The following ERGIC1 variants were observed in gnomAD, a reference collection of about 807,000 sequenced individuals.
ERGIC1 encodes the protein endoplasmic reticulum-Golgi intermediate compartment protein 1.
A neutral mutation model predicts 38.3 loss-of-function variants in ERGIC1; 19 were observed. That is an observed-to-expected ratio of 0.50 (90% CI 0.35 to 0.73). The LOEUF (loss-of-function observed/expected upper bound fraction) is 0.73. Among genes scored for constraint, ERGIC1 ranks in the 30% least tolerant of loss-of-function variants. ERGIC1 has a pLI of 0.01. For missense variants in ERGIC1, 294 were observed against 389.2 expected, an observed-to-expected ratio of 0.76 and a Z score of 2.06; for synonymous variants, 124 against 157.6, an observed-to-expected ratio of 0.79 and a Z score of 1.60.
intron 2 of ERGIC1, among the ~76,000 whole-genome samples, chr5:172,893,333 A>G (rs1028455816): frequency 1.3e-5 from 2 of 152,014 alleles, no homozygotes; most frequent in Non-Finnish European, 2.9e-5. Flanking sequence ...TTTTTAGTAG[A>G]GATGGGTTTT....
intron 1 of ERGIC1, among the ~76,000 whole-genome samples, chr5:172,877,440 G>A (rs13184737): frequency 0.21 from 14,195 of 66,724 alleles, 972 homozygotes; most frequent in East Asian, 0.4. Context: ...GTGTGTGTGT[G>A]TATATATATA....
intron 1 of ERGIC1, among the ~76,000 whole-genome samples, chr5:172,881,606 C>T (rs939503293): frequency 6.6e-6 from 1 of 152,242 alleles, no homozygotes; most frequent in African/African-American, 2.4e-5. Context: ...AAATCTTTAA[C>T]TTTTCTTCCA....
At chr5:172,845,599 T>A (rs1761267237) in intron 1 of ERGIC1, among the ~76,000 whole-genome samples, 1 of 152,254 alleles carries the variant, frequency 6.6e-6, no homozygotes, top group African/African-American at 2.4e-5. Context: ...CTGCAACTCA[T>A]GATTTAAAAT....
intron 9 of ERGIC1, among the ~76,000 whole-genome samples, chr5:172,947,876 TTGTGTGTGTG>T (rs10566172): frequency 2.2e-4 from 32 of 145,728 alleles, no homozygotes; most frequent in East Asian, 6.1e-4. Context: ...CAGATGTGTT[TTGTGTGTGTG>T]TGTGTGTGTG....
At chr5:172,870,792 C>T (rs547667879) in intron 1 of ERGIC1, among the ~76,000 whole-genome samples, 1 of 152,210 alleles carries the variant, frequency 6.6e-6, no homozygotes, top group African/African-American at 2.4e-5. Flanking sequence ...ATCTCCTCTG[C>T]AAAGCCTCAT....
At chr5:172,886,944 G>A (rs1180133596) in intron 1 of ERGIC1, among the ~76,000 whole-genome samples, 1 of 152,036 alleles carries the variant, frequency 6.6e-6, no homozygotes. Context: ...CCAACCTCCC[G>A]ACCACACCCC....
intron 3 of ERGIC1, chr5:172,905,986 G>A (rs1027952472): frequency 1.3e-5 from 6 of 449,824 alleles, no homozygotes; most frequent in African/African-American, 4.0e-5. Flanking sequence ...TGTGAGCTGA[G>A]TTAGAAGCCC....
At chr5:172,925,587 G>C (rs550294) in intron 6 of ERGIC1, among the ~76,000 whole-genome samples, 88,437 of 151,982 alleles carry the variant, frequency 0.58, 26,410 homozygotes, top group African/African-American at 0.65. Flanking sequence ...ATGTCCCCAC[G>C]TACCTCTCCG....
chr5:172,905,255 C>G, intron 3 of ERGIC1: 1 of 285,018 alleles, frequency 3.5e-6, no homozygotes, highest in South Asian at 3.0e-5. Context: ...CCAGGCTCTC[C>G]TTAGTTGACT....
chr5:172,909,501 G>A (rs1203069289), intron 3 of ERGIC1, among the ~76,000 whole-genome samples, 166 bp from the exon 4 acceptor site: 2 of 152,068 alleles, frequency 1.3e-5, no homozygotes, highest in Admixed American at 6.5e-5. Context: ...CTTGAAGAGT[G>A]CAGCCTAGAC....
intron 1 of ERGIC1, among the ~76,000 whole-genome samples, chr5:172,874,226 A>G (rs1427688169): frequency 2.0e-5 from 3 of 151,980 alleles, no homozygotes; most frequent in African/African-American, 7.3e-5. Context: ...TTACAGGCAC[A>G]CGCCACCACG....
rs148148507 is a variant in ERGIC1 at position 172,939,181 on chromosome 5, G to A, written c.765+3871G>A. Among the ~76,000 whole-genome samples the A allele has an allele frequency of 7.9e-4, 120 of 152,354 alleles. 1 individual carries two copies. The highest frequency in any genetic ancestry group is 7.1e-3 in the Admixed American group (108 of 15,308). ...TCCGGCCCCCGTAGCAGGCACCAGG[G>A]TCAGCTGAATCATACGCAGTCCCTG... On this transcript the variant is annotated intron_variant, in intron 9 of 9. Transcript: ENST00000393784.
chr5:172,906,229 T>G (rs1227826183), intron 3 of ERGIC1: 1 of 453,746 alleles, frequency 2.2e-6, no homozygotes, highest in South Asian at 1.6e-5. Flanking sequence ...ACCAGGGCCC[T>G]CCTTCATTTT....
chr5:172,890,842 T>A (rs1482697164), intron 2 of ERGIC1, among the ~76,000 whole-genome samples: 1 of 84,654 alleles, frequency 1.2e-5, no homozygotes, highest in African/African-American at 6.4e-5. Context: ...TGGAGTCCAC[T>A]TCTCCCAGGT....
intron 1 of ERGIC1, among the ~76,000 whole-genome samples, chr5:172,838,258 G>A (rs2113504280): frequency 6.6e-6 from 1 of 152,344 alleles, no homozygotes; most frequent in East Asian, 1.9e-4. Flanking sequence ...GGGGCCCAGT[G>A]CAAAATGAAA....
At chr5:172,920,495 T>TG in intron 5 of ERGIC1, 1 of 716,494 alleles carries the variant, frequency 1.4e-6, no homozygotes, top group East Asian at 2.7e-5. Flanking sequence ...GTGAGGGGTA[T>TG]GGGGCCTGGC....
At chr5:172,896,013 C>T (rs969644513) in intron 2 of ERGIC1, among the ~76,000 whole-genome samples, 1 of 151,888 alleles carries the variant, frequency 6.6e-6, no homozygotes, top group African/African-American at 2.4e-5. Context: ...CAGACATGGC[C>T]GACCCCAGAA....
At chr5:172,908,328 A>AGGGGGGGGGGGG (rs1561729713) in intron 3 of ERGIC1, among the ~76,000 whole-genome samples, 1 of 236 alleles carries the variant, frequency 4.2e-3, no homozygotes, top group Admixed American at 0.056. Context: ...GAGAGAGGGG[A>AGGGGGGGGGGGG]GGGGGGGAGG....
intron 1 of ERGIC1, among the ~76,000 whole-genome samples, chr5:172,842,184 C>G (rs890104881): frequency 2.6e-5 from 4 of 152,184 alleles, no homozygotes; most frequent in African/African-American, 9.7e-5. Flanking sequence ...GCTGGGATTA[C>G]AGGCATGCAC....
Sources: gnomAD v4.1 joint callset for allele counts (sites outside exome capture counted in the v4.1 genomes callset) on GRCh38, gnomAD v4.1.1 for gene constraint, MANE v1.5 for transcripts, NCBI Gene and HGNC (gene_info 2026-07-23, HGNC 2026-07-21) for gene names.